MAD1L1: variants seen among roughly 807,000 people sequenced by gnomAD.
The protein encoded by MAD1L1 is mitotic arrest deficient 1 like 1.
In MAD1L1, 95 loss-of-function variants were observed where a neutral mutation model predicts 96.9. The observed-to-expected ratio is 0.98, with a 90% CI of 0.83 to 1.16. MAD1L1 has a LOEUF of 1.16. MAD1L1 is among the 50% of genes most tolerant of loss of function. The probability of loss-of-function intolerance (pLI) is 0.00; values close to 1 mark genes in which losing one functional copy is unlikely to be tolerated. For synonymous variants in MAD1L1, 473 were observed against 396.6 expected (o/e 1.19, Z -2.29); for missense variants, 1,007 against 954.4 (o/e 1.06, Z -0.73).
chr7:1,955,351 C>T (rs890777588), intron 16 of MAD1L1, among the ~76,000 whole-genome samples: 1 of 152,174 alleles, frequency 6.6e-6, no homozygotes. Flanking sequence ...AGTGCAGTGG[C>T]GTGATCTCGG....
At chr7:1,870,737 C>T (rs1454420580) in intron 18 of MAD1L1, among the ~76,000 whole-genome samples, 2 of 143,418 alleles carry the variant, frequency 1.4e-5, no homozygotes, top group Admixed American at 6.9e-5. Context: ...ACACCTGCCA[C>T]GCTGAACCCA....
intron 11 of MAD1L1, among the ~76,000 whole-genome samples, chr7:2,129,730 T>C (rs752182656): frequency 6.6e-5 from 10 of 152,136 alleles, no homozygotes; most frequent in Non-Finnish European, 1.5e-4. Flanking sequence ...AATGCAGTTA[T>C]TTTTACACGC....
chr7:1,925,610 C>G (rs1268734499), intron 17 of MAD1L1, among the ~76,000 whole-genome samples: 2 of 152,230 alleles, frequency 1.3e-5, no homozygotes, highest in Admixed American at 1.3e-4. Context: ...ACCTCAACGC[C>G]TCCCAGGAGG....
intron 13 of MAD1L1, among the ~76,000 whole-genome samples, chr7:2,012,428 G>C (rs1782344607): frequency 6.6e-6 from 1 of 152,248 alleles, no homozygotes; most frequent in African/African-American, 2.4e-5. Context: ...AGGGAGCCAA[G>C]GGTGTTGCAA....
intron 12 of MAD1L1, among the ~76,000 whole-genome samples, chr7:2,036,359 G>C (rs924364218): frequency 6.6e-6 from 1 of 152,222 alleles, no homozygotes; most frequent in Non-Finnish European, 1.5e-5. Context: ...ATGAGCGCAG[G>C]AGCGCTGACA....
intron 10 of MAD1L1, among the ~76,000 whole-genome samples, chr7:2,156,821 CA>C (rs796679600): frequency 0.33 from 29,645 of 91,200 alleles, 2,901 homozygotes; most frequent in Middle Eastern, 0.45. Flanking sequence ...GACTCCATCT[CA>C]AAAAAAAAAA....
intron 13 of MAD1L1, among the ~76,000 whole-genome samples, chr7:2,005,461 G>C (rs942395257): frequency 3.3e-5 from 5 of 152,134 alleles, no homozygotes; most frequent in African/African-American, 9.7e-5. Context: ...TAGCACCCTG[G>C]GGGACGAATT....
chr7:2,000,607 C>A (rs928996383), intron 14 of MAD1L1, among the ~76,000 whole-genome samples: 5 of 152,174 alleles, frequency 3.3e-5, no homozygotes, highest in Admixed American at 2.6e-4. Flanking sequence ...CGGGAGAATG[C>A]GGCTCCTCCA....
At chr7:2,223,566 G>C (rs1793725061) in intron 4 of MAD1L1, 1 of 152,256 alleles carries the variant, frequency 6.6e-6, no homozygotes, top group South Asian at 2.1e-4. Context: ...TCCTCATCCA[G>C]GGTACTCCAG....
At position 1,830,255 on chromosome 7, in the gene MAD1L1, C is replaced by T. The variant is rs182895134; in HGVS notation, c.1999-14027G>A. Among the ~76,000 whole-genome samples, 188 of 152,206 alleles carry T rather than the reference C, an allele frequency of 1.2e-3. 2 individuals are homozygous for T. The highest frequency in any genetic ancestry group is 4.2e-3 in the African/African-American group (173 of 41,570). On this transcript the variant is annotated intron_variant, in intron 18 of 18. Transcript: ENST00000265854. ...CTACTAAAAATACAAAAATTGGCCA[C>T]GTGCAGTGGCACATCCCTGTAATCC...
chr7:2,044,109 G>A (rs1014694274), intron 12 of MAD1L1, among the ~76,000 whole-genome samples: 1 of 152,216 alleles, frequency 6.6e-6, no homozygotes, highest in Non-Finnish European at 1.5e-5. Flanking sequence ...ACAATGCGCC[G>A]CAGGAAGGGG....
At position 2,148,923 on chromosome 7, in the gene MAD1L1, T is replaced by C. The variant is rs868478358; in HGVS notation, c.1073+229A>G. Among the ~76,000 whole-genome samples, 4 of 152,110 alleles carry C rather than the reference T, an allele frequency of 2.6e-5. No homozygotes were observed. The South Asian group carries it at 8.3e-4, about 32-fold the overall frequency. On this transcript the variant is annotated intron_variant, in intron 11 of 18. Coordinates refer to ENST00000265854, the MANE Select transcript of MAD1L1 (RefSeq NM_001013836.2). ...CCAGACCCCATGGCAGTTTAGCACA[T>C]TGTCAGAACGATGGACGGTGGTGCC... is the stretch of plus-strand genomic sequence containing the variant.
At chr7:2,095,829 G>A (rs1051212970) in intron 11 of MAD1L1, among the ~76,000 whole-genome samples, 1 of 152,236 alleles carries the variant, frequency 6.6e-6, no homozygotes, top group Non-Finnish European at 1.5e-5. Context: ...GTCTCTAAGG[G>A]GAAGGGCAGA....
chr7:1,878,733 C>T (rs889442298), intron 18 of MAD1L1, among the ~76,000 whole-genome samples: 2 of 37,982 alleles, frequency 5.3e-5, no homozygotes, highest in Non-Finnish European at 1.0e-4. Context: ...TAAAAATGTC[C>T]CCCCCCCCCC....
chr7:2,023,358 A>C (rs562264140), intron 12 of MAD1L1, among the ~76,000 whole-genome samples: 2 of 152,362 alleles, frequency 1.3e-5, no homozygotes, highest in African/African-American at 4.8e-5. Context: ...CTAAAATTAA[A>C]CTGGAAATCA....
chr7:2,041,368 TGGGGC>T (rs1783665253), intron 12 of MAD1L1, among the ~76,000 whole-genome samples: 4 of 147,318 alleles, frequency 2.7e-5, no homozygotes, highest in Non-Finnish European at 6.1e-5. Flanking sequence ...TCTCCTAGTC[TGGGGC>T]TGGGGAAGGG....
intron 3 of MAD1L1, among the ~76,000 whole-genome samples, chr7:2,227,946 T>C (rs1793989483): frequency 6.6e-6 from 1 of 152,026 alleles, no homozygotes; most frequent in South Asian, 2.1e-4. Context: ...CAACACGATG[T>C]GTGAGAAACC....
chr7:2,005,659 G>A (rs1000143875), intron 13 of MAD1L1, among the ~76,000 whole-genome samples: 1 of 151,964 alleles, frequency 6.6e-6, no homozygotes, highest in African/African-American at 2.4e-5. Flanking sequence ...AAATCAGCTG[G>A]GTGTGGTAGC....
intron 16 of MAD1L1, among the ~76,000 whole-genome samples, chr7:1,952,486 C>T (rs562978759): frequency 4.9e-4 from 74 of 152,330 alleles, no homozygotes; most frequent in African/African-American, 1.7e-3. Flanking sequence ...ACCATCAGCT[C>T]GCTGTATGAC....
Sources: allele counts gnomAD v4.1 joint callset (sites outside exome capture counted in the v4.1 genomes callset), GRCh38; gene constraint gnomAD v4.1.1; transcripts MANE v1.5; gene names NCBI Gene and HGNC (gene_info 2026-07-23, HGNC 2026-07-21).